Variants in MACF1 observed in about 807,000 individuals in gnomAD.
The protein encoded by MACF1 is microtubule-actin cross-linking factor 1.
In MACF1, 193 loss-of-function variants were observed where a neutral mutation model predicts 854.8. The ratio of observed to expected loss-of-function variants is 0.23; its 90% confidence interval spans 0.20 to 0.25. The LOEUF is 0.25. MACF1 is among the 10% of genes least tolerant of loss of function. MACF1 has a pLI of 1.00. For synonymous variants in MACF1, 3,185 were observed against 3,226.7 expected, an observed-to-expected ratio of 0.99 and a Z score of 0.44; for missense variants, 7,722 against 8,929.1, an observed-to-expected ratio of 0.86 and a Z score of 5.45.
chr1:39,368,457 C>CT (rs34223511), intron 50 of MACF1, 143 bp downstream of exon 50: 4 of 761,648 alleles, frequency 5.3e-6, no homozygotes, highest in Non-Finnish European at 8.1e-6. Context: ...TGAAAAGTGC[C>CT]TTTTTTTAGG....
chr1:39,447,083 C>T (rs188848831), intron 80 of MACF1, among the ~76,000 whole-genome samples: 1 of 152,306 alleles, frequency 6.6e-6, no homozygotes, highest in East Asian at 1.9e-4. Flanking sequence ...TTACCCAAAG[C>T]AGGTTGTAGA....
chr1:39,450,610 C>CTTT lies in MACF1; in HGVS notation c.20259-425_20259-423dup, dbSNP rs11398407. ...CTCTCAGTCACTTTTTACTCTATTT[C>CTTT]TTTTTTTTTTTTTTTTTTTGAGATG... On this transcript the variant is annotated intron_variant, in intron 84 of 100. Coordinates refer to ENST00000564288, the MANE Select transcript of MACF1 (RefSeq NM_001394062.1). Among the ~76,000 whole-genome samples the CTTT allele has an allele frequency of 2.7e-4, 31 of 115,248 alleles. 1 individual carries two copies. The highest frequency in any genetic ancestry group is 3.9e-4 in the Admixed American group (4 of 10,170). The allele number at this position is 115,248 out of a possible 152,430, so 75.6% of individuals were successfully genotyped here. A position where few individuals can be genotyped will look rare whatever the true frequency, so the allele number is the denominator to read the frequency against.
intron 33 of MACF1, among the ~76,000 whole-genome samples, chr1:39,323,583 A>G (rs1398976500): frequency 6.6e-6 from 1 of 152,058 alleles, no homozygotes; most frequent in Non-Finnish European, 1.5e-5. Context: ...AGGCACCTAT[A>G]CCAAATTTCT....
intron 2 of MACF1, among the ~76,000 whole-genome samples, chr1:39,109,492 G>A (rs1642338134): frequency 6.6e-6 from 1 of 151,968 alleles, no homozygotes; most frequent in Non-Finnish European, 1.5e-5. Context: ...GGCCAGGCTG[G>A]TCTTGAACTC....
chr1:39,128,888 G>A (rs1642928305), intron 2 of MACF1, among the ~76,000 whole-genome samples: 1 of 152,150 alleles, frequency 6.6e-6, no homozygotes, highest in Non-Finnish European at 1.5e-5. Context: ...TCATTTGCCA[G>A]TTGACCATGA....
At chr1:39,252,425 G>A (rs1645051075) in intron 4 of MACF1, among the ~76,000 whole-genome samples, 1 of 152,092 alleles carries the variant, frequency 6.6e-6, no homozygotes, top group African/African-American at 2.4e-5. Context: ...TCACTGCATG[G>A]AGATACTCTG....
chr1:39,331,317 T>C lies in MACF1; in HGVS notation c.4729T>C (p.Ser1577Pro). The change falls in exon 37 of 101, where the codon TCT becomes CCT. Residue 1577 changes from serine (S) to proline (P), a missense_variant. Physicochemically the swap from Ser to Pro is moderately conservative, Grantham distance 74. This residue lies in a region of MACF1 where 1,531 missense variants were observed against 1,601.6 expected (regional missense o/e 0.96). Transcript: ENST00000564288. The stretch of plus-strand genomic sequence containing the variant: ...AGACACAGGCCTAGTGCTTCTGGAA[T>C]CTCAGGTTATCATGTCTGGCCTCAT... ...DQDTGLVLLE[S>P]QVIMSGLIAP... 6.2e-7 allele frequency: 1 copy of C among 1,613,776 alleles called. No homozygotes were observed. Among genetic ancestry groups the C allele is most frequent in the Non-Finnish European group, 8.5e-7 (1 of 1,179,894 alleles).
chr1:39,140,841 G>A (rs1571091934), intron 2 of MACF1, among the ~76,000 whole-genome samples: 1 of 141,268 alleles, frequency 7.1e-6, no homozygotes, highest in South Asian at 2.2e-4. Context: ...CTTGAACCCA[G>A]GAGGCGGAGG....
chr1:39,131,837 G>T (rs1273377419), intron 2 of MACF1, among the ~76,000 whole-genome samples: 2 of 152,084 alleles, frequency 1.3e-5, no homozygotes, highest in Non-Finnish European at 2.9e-5. Flanking sequence ...TTTAGAGATG[G>T]GGTCTTGCAG....
At chr1:39,200,284 C>T (rs991828431), upstream of MACF1, among the ~76,000 whole-genome samples, 1 of 152,162 alleles carries the variant, frequency 6.6e-6, no homozygotes, top group South Asian at 2.1e-4. Context: ...TTTTTAGCCC[C>T]TTTTGGTTGT....
chr1:39,137,317 G>A (rs1217929945), intron 2 of MACF1, among the ~76,000 whole-genome samples: 1 of 152,202 alleles, frequency 6.6e-6, no homozygotes, highest in African/African-American at 2.4e-5. Context: ...TGATCTGTGT[G>A]CCTCGGCCTC....
intron 26 of MACF1, 110 bp downstream of exon 26, chr1:39,311,110 C>T: frequency 4.1e-6 from 5 of 1,208,742 alleles, no homozygotes; most frequent in East Asian, 2.4e-5. Flanking sequence ...TCAAGACAGT[C>T]CTTCTCAGGA....
At chr1:39,290,925 T>G (rs1645768593) in intron 15 of MACF1, among the ~76,000 whole-genome samples, 1 of 151,928 alleles carries the variant, frequency 6.6e-6, no homozygotes, top group African/African-American at 2.4e-5. Flanking sequence ...TCCGCCCACC[T>G]TGGCCTCCCA....
intron 17 of MACF1, 49 bp from the exon 18 acceptor site, chr1:39,293,409 A>G (rs768334567): frequency 2.6e-6 from 4 of 1,510,182 alleles, no homozygotes; most frequent in African/African-American, 2.8e-5. Flanking sequence ...GCTATCTTCT[A>G]CAGATACAAA....
At chr1:39,231,312 C>A in intron 2 of MACF1, 69 bp downstream of exon 2, 1 of 1,406,926 alleles carries the variant, frequency 7.1e-7, no homozygotes. Context: ...GTCATTCCTT[C>A]TTTCAGATGG....
chr1:39,125,297 G>A (rs887985942), intron 2 of MACF1, among the ~76,000 whole-genome samples: 2 of 152,152 alleles, frequency 1.3e-5, no homozygotes, highest in Non-Finnish European at 2.9e-5. Flanking sequence ...AAGAACAAGG[G>A]GTTTGAATCT....
At chr1:39,222,308 A>G (rs1020406534) in intron 1 of MACF1, among the ~76,000 whole-genome samples, 3 of 152,078 alleles carry the variant, frequency 2.0e-5, no homozygotes, top group Non-Finnish European at 4.4e-5. Context: ...TATTTTTTGT[A>G]GAGACAGAGT....
At position 39,084,200 on chromosome 1, in the gene MACF1, A is replaced by T. The variant is rs759109707; in HGVS notation, c.-19A>T. 1 of 1,609,298 alleles carries T rather than the reference A, an allele frequency of 6.2e-7. No individual in the cohort carries two copies. Among genetic ancestry groups the T allele is most frequent in the Admixed American group, 1.7e-5 (1 of 59,992 alleles). On this transcript the variant is annotated 5_prime_UTR_variant, in exon 2 of 94. Coordinates refer to the MACF1 transcript ENST00000361689. This position sits in a 1 kb window ranked among gnomAD's most constrained non-coding sequence, Gnocchi z 5.2. ...TCCCTGGGCTCCCAGGCCCTCCTGCAGCAGCCCCCGCCTGGGCCATGTCTT... is the reference window on the plus strand; with the variant it reads ...TCCCTGGGCTCCCAGGCCCTCCTGCTGCAGCCCCCGCCTGGGCCATGTCTT...
intron 56 of MACF1, among the ~76,000 whole-genome samples, chr1:39,382,619 A>G (rs898900130): frequency 6.7e-6 from 1 of 148,276 alleles, no homozygotes. Flanking sequence ...CAGGAGAATC[A>G]TTTGAACCCA....
Sources: allele counts gnomAD v4.1 joint callset (sites outside exome capture counted in the v4.1 genomes callset), GRCh38; gene constraint gnomAD v4.1.1; regional missense constraint gnomAD v4.1.1; non-coding constraint Gnocchi (gnomAD v3.1); transcripts MANE v1.5; gene names NCBI Gene and HGNC (gene_info 2026-07-23, HGNC 2026-07-21).